Variants in SPOP observed in about 807,000 individuals in gnomAD.
SPOP encodes speckle-type POZ protein.
SPOP carries 11 observed loss-of-function variants against 45.6 expected under a neutral mutation model. That is an observed-to-expected ratio of 0.24 (90% CI 0.15 to 0.40). The LOEUF is 0.40. SPOP is among the 10% of genes least tolerant of loss of function. The pLI, the probability that SPOP is intolerant of heterozygous loss-of-function variation, is 1.00. For missense variants in SPOP, 152 were observed against 465.6 expected (o/e 0.33, Z 6.20); for synonymous variants, 166 against 166.3 (o/e 1.00, Z 0.01).
chr17:49,643,119 T>C (rs1761433542), intron 1 of SPOP, among the ~76,000 whole-genome samples: 1 of 152,250 alleles, frequency 6.6e-6, no homozygotes, highest in Non-Finnish European at 1.5e-5. Flanking sequence ...AATTCTCAAA[T>C]TCTTAAAGAT....
intron 1 of SPOP, among the ~76,000 whole-genome samples, chr17:49,645,266 C>T (rs1222646578): frequency 1.3e-5 from 2 of 151,954 alleles, no homozygotes; most frequent in Non-Finnish European, 2.9e-5. Flanking sequence ...GGACTGACTT[C>T]ATAAATGTCA....
intron 1 of SPOP, among the ~76,000 whole-genome samples, chr17:49,665,661 C>G (rs1427693680): frequency 1.0e-5 from 1 of 98,104 alleles, no homozygotes; most frequent in Admixed American, 9.9e-5. Flanking sequence ...CACACACACA[C>G]ACACACACAC....
At chr17:49,626,113 A>C (rs2072325568) in intron 1 of SPOP, among the ~76,000 whole-genome samples, 2 of 152,166 alleles carry the variant, frequency 1.3e-5, no homozygotes, top group Admixed American at 1.3e-4. Context: ...TTGTTTTCAA[A>C]GGCCAAACAA....
At position 49,600,196 on chromosome 17, in the gene SPOP, C is replaced by G; in HGVS notation, c.*182G>C. ...AGCAACAGGGTTTTCATTTCATTTT[C>G]CCTCCCCCCGTTTCCCCCAAGTTAT... On this transcript the variant is annotated 3_prime_UTR_variant, in exon 10 of 10. Transcript: ENST00000504102. The surrounding 1 kb of genome is among the most constrained non-coding windows in gnomAD (Gnocchi z 4.2). The G allele has an allele frequency of 1.3e-6, 1 of 787,550 alleles. No homozygotes were observed. The highest frequency in any genetic ancestry group is 2.1e-6 in the Non-Finnish European group (1 of 487,428). 48.8% of individuals were successfully genotyped at this position (787,550 alleles called of 1,614,324 possible).
chr17:49,677,550 C>A (rs866290460), intron 1 of SPOP, among the ~76,000 whole-genome samples: 2 of 152,256 alleles, frequency 1.3e-5, no homozygotes, highest in Non-Finnish European at 2.9e-5. Flanking sequence ...CAGGTCCCTG[C>A]AACACCGCGA....
At chr17:49,640,759 A>G (rs2072631731) in intron 1 of SPOP, among the ~76,000 whole-genome samples, 1 of 152,090 alleles carries the variant, frequency 6.6e-6, no homozygotes, top group African/African-American at 2.4e-5. Flanking sequence ...CTCATTTCCA[A>G]CTACGTTTTC....
At chr17:49,666,164 T>C (rs1002435676) in intron 1 of SPOP, among the ~76,000 whole-genome samples, 1 of 151,930 alleles carries the variant, frequency 6.6e-6, no homozygotes, top group African/African-American at 2.4e-5. Flanking sequence ...CTCTCATATA[T>C]ATGGAAACAT....
chr17:49,640,518 A>G (rs1452602215), intron 1 of SPOP, among the ~76,000 whole-genome samples: 1 of 152,156 alleles, frequency 6.6e-6, no homozygotes, highest in Non-Finnish European at 1.5e-5. Context: ...GTACTAATAT[A>G]AAGGTTTAAA....
At chr17:49,666,930 G>C (rs1262104197) in intron 1 of SPOP, among the ~76,000 whole-genome samples, 1 of 152,202 alleles carries the variant, frequency 6.6e-6, no homozygotes, top group African/African-American at 2.4e-5. Flanking sequence ...TGCAATCCCA[G>C]TACTTTGGGA....
chr17:49,607,656 C>T (rs2071879777), intron 7 of SPOP, among the ~76,000 whole-genome samples: 2 of 152,106 alleles, frequency 1.3e-5, no homozygotes, highest in Admixed American at 1.3e-4. Flanking sequence ...ATACCCTCAC[C>T]CAAAACTGTG....
chr17:49,608,159 A>G (rs1163188126), intron 6 of SPOP, among the ~76,000 whole-genome samples: 6 of 152,226 alleles, frequency 3.9e-5, no homozygotes, highest in Non-Finnish European at 7.3e-5. Flanking sequence ...AAAATAACTT[A>G]TCGGCTCTAC....
chr17:49,599,880 TAGA>T lies in SPOP; in HGVS notation c.*495_*497del. On this transcript the variant is annotated 3_prime_UTR_variant, in exon 10 of 10. Coordinates refer to ENST00000504102, the MANE Select transcript of SPOP (RefSeq NM_001007228.2). ...ACAAATATCCAAGTTTTAGCACAGT[TAGA>T]AGGACTAAAATTTGTTTCTCTCAAT... 4.5e-6 allele frequency: 1 copy of T among 224,520 alleles called. No individual in the cohort carries two copies. Among genetic ancestry groups the T allele is most frequent in the Admixed American group, 5.4e-5 (1 of 18,410 alleles). 13.9% of individuals were successfully genotyped at this position (224,520 alleles called of 1,614,324 possible).
chr17:49,641,268 A>T (rs1158913195), intron 1 of SPOP, among the ~76,000 whole-genome samples: 1 of 148,346 alleles, frequency 6.7e-6, no homozygotes, highest in Admixed American at 6.7e-5. Context: ...GTCTCCAAAA[A>T]AAAAAAAAAA....
chr17:49,672,701 C>G (rs1043576509), intron 1 of SPOP, among the ~76,000 whole-genome samples: 1 of 152,170 alleles, frequency 6.6e-6, no homozygotes, highest in Admixed American at 6.5e-5. Flanking sequence ...AATCCCAGCA[C>G]TTTGGGAGGC....
At chr17:49,625,168 G>A (rs1425232082) in intron 1 of SPOP, among the ~76,000 whole-genome samples, 1 of 152,146 alleles carries the variant, frequency 6.6e-6, no homozygotes, top group East Asian at 1.9e-4. Flanking sequence ...AACGCTAAAC[G>A]TGGGCACAAG....
intron 5 of SPOP, among the ~76,000 whole-genome samples, chr17:49,616,110 C>G (rs1343153752): frequency 6.6e-6 from 1 of 152,184 alleles, no homozygotes; most frequent in African/African-American, 2.4e-5. Flanking sequence ...CTGATTTTGT[C>G]TGAAAGTGAA....
intron 1 of SPOP, among the ~76,000 whole-genome samples, chr17:49,676,413 C>G (rs986607488): frequency 6.6e-6 from 1 of 152,146 alleles, no homozygotes; most frequent in Non-Finnish European, 1.5e-5. Context: ...GACAGCAGAA[C>G]CCTGTAAGGG....
At chr17:49,620,714 A>G (rs922736301) in intron 3 of SPOP, 1 of 154,170 alleles carries the variant, frequency 6.5e-6, no homozygotes, top group African/African-American at 2.4e-5. Context: ...GAATAGGTTC[A>G]ACTAAGTTGT....
intron 2 of SPOP, chr17:49,622,374 C>T (rs1218394535): frequency 1.9e-6 from 1 of 536,492 alleles, no homozygotes; most frequent in African/African-American, 1.9e-5. Flanking sequence ...TATGATAAAA[C>T]CGTACTTAAA....
Sources: gnomAD v4.1 joint callset for allele counts (sites outside exome capture counted in the v4.1 genomes callset) on GRCh38, gnomAD v4.1.1 for gene constraint, Gnocchi (gnomAD v3.1) non-coding constraint, MANE v1.5 for transcripts, NCBI Gene and HGNC (gene_info 2026-07-23, HGNC 2026-07-21) for gene names.